Variants in TCHP observed in about 807,000 individuals in gnomAD.
The protein encoded by TCHP is trichoplein keratin filament binding, also known as trichoplein keratin filament-binding protein.
In TCHP, 81 loss-of-function variants were observed where a neutral mutation model predicts 88.7. The observed-to-expected ratio is 0.91, with a 90% CI of 0.76 to 1.10. TCHP has a LOEUF of 1.10. Ranked by LOEUF, TCHP falls within the 50% of genes least tolerant of loss-of-function variation. The pLI, the probability that TCHP is intolerant of heterozygous loss-of-function variation, is 0.00. For synonymous variants in TCHP, 232 were observed against 232.5 expected, an observed-to-expected ratio of 1.00 and a Z score of 0.02; for missense variants, 641 against 632.1, an observed-to-expected ratio of 1.01 and a Z score of -0.15.
chr12:109,904,031 C>G lies in TCHP; in HGVS notation c.283C>G (p.Gln95Glu). The G allele has an allele frequency of 1.2e-6, 2 of 1,608,472 alleles. No homozygotes were observed. The highest frequency in any genetic ancestry group is 1.7e-6 in the Non-Finnish European group (2 of 1,177,498). Residue 95 changes from glutamine (Q) to glutamate (E), a missense_variant, in exon 3 of 13, where the codon CAG becomes GAG. Physicochemically the swap from Gln to Glu is conservative, Grantham distance 29. Transcript: ENST00000405876. ...GCTCAGGCAGCTCATGCAGGAGGAG[C>G]AGGACCTGCTGGCCAGAGAACTGGA... Reference protein sequence around the residue: ...EKLRQLMQEEQDLLARELEEL... With the variant: ...EKLRQLMQEEEDLLARELEEL...
chr12:109,911,179 TGAG>T lies in TCHP; in HGVS notation c.1000_1002del (p.Glu334del), dbSNP rs1219821102. Reference sequence around the variant, plus strand: ...ATGTGGCCTGGATGAAGCAGGCCATTGAGGAGCAGCTGCAGCTGGAGCGGGCGC... The same window carrying T: ...ATGTGGCCTGGATGAAGCAGGCCATTGAGCAGCTGCAGCTGGAGCGGGCGC... On this transcript the variant is annotated inframe_deletion, in exon 9 of 13. Transcript: ENST00000405876. 1 of 1,591,868 alleles carries T rather than the reference TGAG, an allele frequency of 6.3e-7. No individual in the cohort carries two copies. The highest frequency in any genetic ancestry group is 1.8e-5 in the Admixed American group (1 of 56,486).
At chr12:109,908,836 A>G in intron 7 of TCHP, 35 bp from the exon 8 acceptor site, 1 of 1,611,382 alleles carries the variant, frequency 6.2e-7, no homozygotes, top group Non-Finnish European at 8.5e-7. Flanking sequence ...TCTTTCTGAG[A>G]TACTGAAGGC....
intron 3 of TCHP, 68 bp downstream of exon 3, chr12:109,904,215 G>T: frequency 7.0e-7 from 1 of 1,430,328 alleles, no homozygotes. Context: ...TGTCGCACAT[G>T]TAGGGTCATT....
rs1870895919 is a variant in TCHP, at chr12:109,917,774, T to G, written c.*1151T>G. ...CCTCTGAGGTTTAGTTTTCATCACA[T>G]TATGTTCAAGATTCCATATCTCCGT... is the stretch of plus-strand genomic sequence containing the variant. On this transcript the variant is annotated 3_prime_UTR_variant, in exon 13 of 13. Coordinates refer to ENST00000405876, the MANE Select transcript of TCHP (RefSeq NM_001143852.2). 6.6e-6 allele frequency: 1 copy of G among 152,654 alleles called. No homozygotes were observed. The highest frequency in any genetic ancestry group is 6.5e-5 in the Admixed American group (1 of 15,280). 9.5% of individuals were successfully genotyped at this position (152,654 alleles called of 1,614,324 possible).
chr12:109,884,197 T>C, the TCHP span, among the ~76,000 whole-genome samples: 1 of 152,056 alleles, frequency 6.6e-6, no homozygotes, highest in Non-Finnish European at 1.5e-5. Context: ...CTTTTTTTTT[T>C]CTTTTTTTTG....
rs1406125863 is a variant in TCHP, at chr12:109,905,851, G to A, written c.457-721G>A. ...AAGTTAATTGCCTATGTTCACAGCT[G>A]TAAGTTGGGAAAGATTATTTTAAAA... On this transcript the variant is annotated intron_variant, in intron 4 of 12. Coordinates refer to ENST00000405876, the MANE Select transcript of TCHP (RefSeq NM_001143852.2). The surrounding 1 kb of genome is among the most constrained non-coding windows in gnomAD (Gnocchi z 4.0). Among the ~76,000 whole-genome samples, 1 of 152,262 alleles carries A rather than the reference G, an allele frequency of 6.6e-6. No individual in the cohort carries two copies. Among genetic ancestry groups the A allele is most frequent in the African/African-American group, 2.4e-5 (1 of 41,552 alleles).
chr12:109,911,558 G>C (rs1437298527), intron 9 of TCHP, among the ~76,000 whole-genome samples: 1 of 143,266 alleles, frequency 7.0e-6, no homozygotes, highest in Non-Finnish European at 1.5e-5. Context: ...GCTCCGATTA[G>C]CCATGACTAC....
upstream of TCHP, among the ~76,000 whole-genome samples, chr12:109,897,544 C>CTTTTA (rs1244831997): frequency 6.9e-6 from 1 of 145,562 alleles, no homozygotes; most frequent in African/African-American, 2.8e-5. Flanking sequence ...ATTTCTTTTT[C>CTTTTA]TTTTCTTTTC....
chr12:109,887,207 A>G, the TCHP span, among the ~76,000 whole-genome samples: 1 of 152,034 alleles, frequency 6.6e-6, no homozygotes, highest in African/African-American at 2.4e-5. Flanking sequence ...GTGGATCACC[A>G]GGTCAAGAGA....
chr12:109,908,740 G>A (rs1228730242), intron 7 of TCHP, 42 bp downstream of exon 7: 1 of 1,565,448 alleles, frequency 6.4e-7, no homozygotes, highest in Non-Finnish European at 8.7e-7. Flanking sequence ...AGGCGGGTGG[G>A]CCTCTTGCTT....
At chr12:109,907,027 C>T (rs1160031017) in intron 5 of TCHP, among the ~76,000 whole-genome samples, 1 of 152,110 alleles carries the variant, frequency 6.6e-6, no homozygotes, top group Non-Finnish European at 1.5e-5. Flanking sequence ...GTAGCTAGGA[C>T]CACAGGTACG....
intron 5 of TCHP, 83 bp downstream of exon 5, chr12:109,906,723 C>A: frequency 8.8e-7 from 1 of 1,137,546 alleles, no homozygotes; most frequent in Non-Finnish European, 1.3e-6. Context: ...CCGTTTTCAG[C>A]ATCAGTGACT....
chr12:109,894,696 C>T, the TCHP span, among the ~76,000 whole-genome samples: 2 of 131,238 alleles, frequency 1.5e-5, no homozygotes, highest in South Asian at 2.6e-4. Context: ...ACCCAGGAGG[C>T]GGAGGTTGCA....
chr12:109,912,507 A>G (rs1472295807), intron 9 of TCHP, among the ~76,000 whole-genome samples: 1 of 152,168 alleles, frequency 6.6e-6, no homozygotes, highest in South Asian at 2.1e-4. Context: ...TACTTCCAAC[A>G]GGGCCAGGCA....
intron 9 of TCHP, among the ~76,000 whole-genome samples, chr12:109,912,044 T>C (rs1394158892): frequency 1.3e-5 from 2 of 152,184 alleles, no homozygotes; most frequent in Non-Finnish European, 2.9e-5. Flanking sequence ...TCCGCCAGCG[T>C]TGGCCTCCCA....
the TCHP span, among the ~76,000 whole-genome samples, chr12:109,890,080 G>C: frequency 6.6e-6 from 1 of 152,168 alleles, no homozygotes; most frequent in Non-Finnish European, 1.5e-5. Context: ...CATTTTAACA[G>C]CACAGAGAAG....
Position 109,911,205 on chromosome 12 carries a change from C to A in TCHP, c.1022C>A (p.Ala341Glu). ...GAGGAGCAGCTGCAGCTGGAGCGGG[C>A]GCGGGAGGCAGAGCTGCAGATGCTG... ...AIEEQLQLERAREAELQMLLR... is the reference protein window; with the variant it reads ...AIEEQLQLEREREAELQMLLR... The change falls in exon 9 of 13, where the codon GCG (alanine) becomes GAG (glutamate). Residue 341 changes from alanine (A) to glutamate (E), a missense_variant. By Grantham distance (107) the Ala-to-Glu change is moderately radical. Coordinates refer to ENST00000405876, the MANE Select transcript of TCHP (RefSeq NM_001143852.2). The A allele has an allele frequency of 6.3e-7, 1 of 1,584,132 alleles. No individual in the cohort carries two copies. Among genetic ancestry groups the A allele is most frequent in the Admixed American group, 1.8e-5 (1 of 55,246 alleles).
chr12:109,914,384 GAACCAGGATCTGTTAGGGTC>G, intron 10 of TCHP, 38 bp from the exon 11 acceptor site: 1 of 1,509,426 alleles, frequency 6.6e-7, no homozygotes, highest in Non-Finnish European at 9.0e-7. Flanking sequence ...AAGGCTTGTA[GAACCAGGATCTGTTAGGGTC>G]AACCTCAAAG....
chr12:109,910,140 A>G (rs1375128720), intron 8 of TCHP, among the ~76,000 whole-genome samples: 1 of 152,176 alleles, frequency 6.6e-6, no homozygotes, highest in Non-Finnish European at 1.5e-5. Flanking sequence ...CTCTGTCTCA[A>G]AAAAACAAAA....
Sources: allele counts gnomAD v4.1 joint callset (sites outside exome capture counted in the v4.1 genomes callset), GRCh38; gene constraint gnomAD v4.1.1; non-coding constraint Gnocchi (gnomAD v3.1); transcripts MANE v1.5; gene names NCBI Gene and HGNC (gene_info 2026-07-23, HGNC 2026-07-21).